Variants in PTPRJ observed in about 807,000 individuals in gnomAD.
PTPRJ encodes receptor-type tyrosine-protein phosphatase eta.
A neutral mutation model predicts 141.3 loss-of-function variants in PTPRJ; 129 were observed. That is an observed-to-expected ratio of 0.91 (90% confidence interval 0.79 to 1.06). PTPRJ has a LOEUF of 1.06. Ranked by LOEUF, PTPRJ falls within the 50% of genes least tolerant of loss-of-function variation. The pLI is 0.00. For missense variants in PTPRJ, 1,601 were observed against 1,679.7 expected (o/e 0.95, Z 0.82); for synonymous variants, 610 against 640.5 (o/e 0.95, Z 0.72).
chr11:48,107,839 TTGGGAAGCCAAGG>T (rs1340682008), intron 1 of PTPRJ, among the ~76,000 whole-genome samples: 1 of 152,208 alleles, frequency 6.6e-6, no homozygotes, highest in Non-Finnish European at 1.5e-5. Context: ...TCCCAGCACT[TTGGGAAGCCAAGG>T]TGGGAGGATT....
At chr11:48,121,380 A>G in intron 4 of PTPRJ, 114 bp downstream of exon 4, 2 of 1,165,086 alleles carry the variant, frequency 1.7e-6, no homozygotes, top group Middle Eastern at 2.1e-4. Context: ...ATAAACTAGA[A>G]GAGGAGAAAA....
rs200339052 is a variant in PTPRJ at position 48,163,493 on chromosome 11, C to A, written c.3594C>A (p.Phe1198Leu). ...GTGAGAGTCACCCTCTGAGACAGTT[C>A]CATTTCACCTCCTGGCCAGACCACG... ...QTSESHPLRQ[F>L]HFTSWPDHGV... The change falls in exon 23 of 25, where the codon TTC (phenylalanine) becomes TTA (leucine). Residue 1198 changes from phenylalanine to leucine, a missense_variant. By Grantham distance (22) the Phe-to-Leu change is conservative (BLOSUM62 0). Transcript: ENST00000418331. 6.2e-7 allele frequency: 1 copy of A among 1,613,902 alleles called. No individual in the cohort carries two copies. Among genetic ancestry groups the A allele is most frequent in the African/African-American group, 1.3e-5 (1 of 74,900 alleles).
chr11:47,980,811 A>AGGCGAAGGAGACGGCAGGAGGC lies in PTPRJ; in HGVS notation c.-96_-75dup. On this transcript the variant is annotated 5_prime_UTR_variant, in exon 1 of 25. Coordinates refer to ENST00000418331, the MANE Select transcript of PTPRJ (RefSeq NM_002843.4). ...GAGGCGGACCGGCTGGCGGAGGAGG[A>AGGCGAAGGAGACGGCAGGAGGC]GGCGAAGGAGACGGCAGGAGGCGGC... 3.8e-6 allele frequency: 4 copies of AGGCGAAGGAGACGGCAGGAGGC among 1,044,650 alleles called. No individual in the cohort carries two copies. The highest frequency in any genetic ancestry group is 4.6e-6 in the Non-Finnish European group (4 of 870,818). The allele number at this position is 1,044,650 out of a possible 1,614,324, so 64.7% of individuals were successfully genotyped here.
At chr11:48,163,341 A>G (rs1290408330) in intron 22 of PTPRJ, 117 bp from the exon 23 acceptor site, 2 of 938,446 alleles carry the variant, frequency 2.1e-6, no homozygotes, top group Non-Finnish European at 3.2e-6. Flanking sequence ...TGTAAAGTTT[A>G]ATTTTTAGTC....
intron 16 of PTPRJ, chr11:48,149,694 A>T (rs1269418574): frequency 1.9e-6 from 1 of 535,818 alleles, no homozygotes; most frequent in East Asian, 3.3e-5. Context: ...GTCATGTTCT[A>T]CTCTTCTACC....
At chr11:48,074,970 T>C (rs1310099409) in intron 1 of PTPRJ, among the ~76,000 whole-genome samples, 1 of 152,024 alleles carries the variant, frequency 6.6e-6, no homozygotes, top group Admixed American at 6.6e-5. Context: ...GTGATGGCTG[T>C]CAGTCGTTTG....
At chr11:48,113,771 A>C (rs1178967239) in intron 3 of PTPRJ, among the ~76,000 whole-genome samples, 2 of 152,206 alleles carry the variant, frequency 1.3e-5, no homozygotes, top group African/African-American at 4.8e-5. Context: ...TTGGGATGAC[A>C]CTGTCACTCT....
At chr11:48,104,431 T>C (rs953969501) in intron 1 of PTPRJ, among the ~76,000 whole-genome samples, 1 of 152,216 alleles carries the variant, frequency 6.6e-6, no homozygotes, top group Non-Finnish European at 1.5e-5. Context: ...TATTTGATTT[T>C]AAACATTGCT....
chr11:48,146,730 T>TGCGC (rs2134371495), intron 14 of PTPRJ, 146 bp from the exon 15 acceptor site: 1 of 691,664 alleles, frequency 1.4e-6, no homozygotes, highest in Non-Finnish European at 2.6e-6. Context: ...TGTGTGTGTG[T>TGCGC]GCGCCTGTGT....
chr11:48,069,655 G>A (rs1390325108), intron 1 of PTPRJ, among the ~76,000 whole-genome samples: 1 of 151,650 alleles, frequency 6.6e-6, no homozygotes, highest in African/African-American at 2.4e-5. Flanking sequence ...GTTTCACCAT[G>A]TTAGCCAGGA....
In PTPRJ at chr11:48,168,168, A is replaced by T. The variant is rs1358770455; in HGVS notation, c.*806A>T. ...ATTTTCAACCCATTGGTTGGGTGAG[A>T]ATGGCGACTCAAATATCACCTTGAG... On this transcript the variant is annotated 3_prime_UTR_variant, in exon 25 of 25. Coordinates refer to ENST00000418331, the MANE Select transcript of PTPRJ (RefSeq NM_002843.4). 6.6e-6 allele frequency: 1 copy of T among 152,014 alleles called. No individual in the cohort carries two copies. Among genetic ancestry groups the T allele is most frequent in the African/African-American group, 2.4e-5 (1 of 41,372 alleles). 9.4% of individuals were successfully genotyped at this position (152,014 alleles called of 1,614,324 possible).
intron 2 of PTPRJ, among the ~76,000 whole-genome samples, chr11:48,111,355 A>G (rs1187838733): frequency 5.1e-5 from 1 of 19,468 alleles, no homozygotes; most frequent in Non-Finnish European, 2.3e-4. Flanking sequence ...CTTTTAGGAA[A>G]AAAAAAAAAA....
chr11:48,023,003 C>T (rs563581858), intron 1 of PTPRJ, among the ~76,000 whole-genome samples: 12 of 151,860 alleles, frequency 7.9e-5, no homozygotes, highest in South Asian at 2.1e-4. Flanking sequence ...TGGGATAGGG[C>T]GGTGGGTAAA....
chr11:48,149,369 A>G, intron 15 of PTPRJ, 78 bp from the exon 16 acceptor site: 3 of 958,054 alleles, frequency 3.1e-6, no homozygotes, highest in South Asian at 3.0e-5. Context: ...CATAGATGAC[A>G]TCAACTCCAG....
intron 1 of PTPRJ, among the ~76,000 whole-genome samples, chr11:48,071,607 C>CTTTTTTT (rs35993560): frequency 1.2e-5 from 1 of 82,436 alleles, no homozygotes; most frequent in Non-Finnish European, 2.2e-5. Context: ...CGCACCCAGC[C>CTTTTTTT]TTTTTTTTTT....
rs532079024 is a variant in PTPRJ, at chr11:48,136,220, C to G, written c.1797C>G (p.Gly599=). 2.5e-6 allele frequency: 4 copies of G among 1,614,244 alleles called. No individual in the cohort carries two copies. In the Admixed American group the frequency reaches 5.0e-5, roughly 20 times the overall value. The change falls in exon 9 of 25, where the codon GGC becomes GGG. Residue 599 remains glycine (G), a synonymous_variant. Transcript: ENST00000418331. ...KAITLQGLIP[G]TLYNITISPE... is the part of the protein sequence containing the mutation. ...TTACTCTCCAGGGCCTGATTCCGGG[C>G]ACCTTATATAACATCACCATCTCTC...
At chr11:48,011,190 G>A (rs1854774497) in intron 1 of PTPRJ, among the ~76,000 whole-genome samples, 1 of 152,132 alleles carries the variant, frequency 6.6e-6, no homozygotes, top group African/African-American at 2.4e-5. Flanking sequence ...TAATCTATAA[G>A]ACTTGATTAG....
intron 1 of PTPRJ, among the ~76,000 whole-genome samples, chr11:48,023,761 G>A (rs1048295880): frequency 6.6e-6 from 1 of 151,756 alleles, no homozygotes; most frequent in Non-Finnish European, 1.5e-5. Flanking sequence ...CAGCCTAGGC[G>A]ACAGAGTGAG....
In PTPRJ at chr11:48,011,181, A is replaced by G. The variant is rs193280085; in HGVS notation, c.96+30173A>G. On this transcript the variant is annotated intron_variant, in intron 1 of 24. Transcript: ENST00000418331. ...AGTCACCATGCTTTGTAAGACATTT[A>G]ATCTATAAGACTTGATTAGTTTTGC... Among the ~76,000 whole-genome samples the G allele has an allele frequency of 1.4e-3, 206 of 152,258 alleles. 2 individuals are homozygous for G. The highest frequency in any genetic ancestry group is 0.01 in the Middle Eastern group (3 of 294).
Sources: gnomAD v4.1 joint callset for allele counts (sites outside exome capture counted in the v4.1 genomes callset) on GRCh38, gnomAD v4.1.1 for gene constraint, MANE v1.5 for transcripts, NCBI Gene and HGNC (gene_info 2026-07-23, HGNC 2026-07-21) for gene names.